Variants in VPS13D observed in about 807,000 individuals in gnomAD.
VPS13D encodes the protein intermembrane lipid transfer protein VPS13D.
VPS13D carries 187 observed loss-of-function variants against 461.9 expected under a neutral mutation model. The observed-to-expected ratio is 0.40, with a 90% CI of 0.36 to 0.46. The LOEUF (loss-of-function observed/expected upper bound fraction) is 0.46, where lower values mean the gene tolerates loss of function less well. Among genes scored for constraint, VPS13D ranks in the 20% least tolerant of loss-of-function variants. VPS13D has a pLI of 0.60. For missense variants in VPS13D, 4,711 were observed against 5,364.9 expected (o/e 0.88, Z 3.81); for synonymous variants, 1,951 against 1,986.3 (o/e 0.98, Z 0.47).
At position 12,309,131 on chromosome 1, in the gene VPS13D, T is replaced by A. The variant is rs561291870; in HGVS notation, c.6650+490T>A. Among the ~76,000 whole-genome samples, 251 of 152,276 alleles carry A rather than the reference T, an allele frequency of 1.6e-3. 1 individual carries two copies. Among genetic ancestry groups the A allele is most frequent in the African/African-American group, 5.6e-3 (233 of 41,546 alleles). ...TGATGAAAGAGAAAACTAATTCCTT[T>A]GAAGGAACTTATGTTTTGTTGAGGG... On this transcript the variant is annotated intron_variant, in intron 27 of 69. Coordinates refer to ENST00000620676, the MANE Select transcript of VPS13D (RefSeq NM_015378.4).
chr1:12,406,001 A>C lies in VPS13D; in HGVS notation c.12030+2028A>C, dbSNP rs149570852. On this transcript the variant is annotated intron_variant, in intron 63 of 69. Transcript: ENST00000620676. Reference sequence around the variant, plus strand: ...ATGGTTGTGTGTGCGCTCGGCATACAATCAACGAAATCATTTCAGTTGAAT... The same window carrying C: ...ATGGTTGTGTGTGCGCTCGGCATACCATCAACGAAATCATTTCAGTTGAAT... Among the ~76,000 whole-genome samples, 146 of 152,306 alleles carry C rather than the reference A, an allele frequency of 9.6e-4. 1 individual carries two copies. The highest frequency in any genetic ancestry group is 3.1e-3 in the African/African-American group (128 of 41,570).
Position 12,319,480 on chromosome 1 carries a change from G to T in VPS13D, c.7415-17G>T. 6.2e-7 allele frequency: 1 copy of T among 1,613,672 alleles called. No homozygotes were observed. Among genetic ancestry groups the T allele is most frequent in the South Asian group, 1.1e-5 (1 of 91,030 alleles). On this transcript the variant is annotated splice_polypyrimidine_tract_variant and intron_variant, in intron 31 of 69. Coordinates refer to ENST00000620676, the MANE Select transcript of VPS13D (RefSeq NM_015378.4). ...GCTTCCCAGCTCTGGCTTGATTGAC[G>T]ACGTTGTCCTTTCCAGGTACGGAGT...
At chr1:12,253,505 C>T (rs527812363) in intron 6 of VPS13D, among the ~76,000 whole-genome samples, 5 of 152,246 alleles carry the variant, frequency 3.3e-5, no homozygotes, top group South Asian at 2.1e-4. Context: ...CTTCTGCTTC[C>T]CTCTGTGTCA....
At position 12,299,492 on chromosome 1, in the gene VPS13D, G is replaced by A. The variant is rs944741821; in HGVS notation, c.6216+108G>A. The A allele has an allele frequency of 4.3e-5, 56 of 1,315,784 alleles. No homozygotes were observed. Among genetic ancestry groups the A allele is most frequent in the South Asian group, 2.3e-4 (14 of 59,990 alleles). 81.5% of individuals were successfully genotyped at this position (1,315,784 alleles called of 1,614,324 possible). Reference sequence around the variant, plus strand: ...ATCCATAATTGCTATTACTTTTGTAGGGTATGTGGCTTGAAGAATTTTTTT... The same window carrying A: ...ATCCATAATTGCTATTACTTTTGTAAGGTATGTGGCTTGAAGAATTTTTTT... On this transcript the variant is annotated intron_variant, in intron 25 of 69. Transcript: ENST00000620676. The surrounding 1 kb of genome is among the most constrained non-coding windows in gnomAD (Gnocchi z 4.2).
Position 12,416,958 on chromosome 1 carries a change from G to T in VPS13D, c.12333+131G>T, listed in dbSNP as rs1478428453. 3.9e-6 allele frequency: 4 copies of T among 1,032,542 alleles called. No individual in the cohort carries two copies. In the Admixed American group the frequency reaches 1.3e-4, roughly 33 times the overall value. 64.0% of individuals were successfully genotyped at this position (1,032,542 alleles called of 1,614,324 possible). ...TTTTGCTTCATTGCCCACATGCCTT[G>T]CCTTTTCCTCACCTCCAGTCACCTG... On this transcript the variant is annotated intron_variant, in intron 65 of 69. Coordinates refer to ENST00000620676, the MANE Select transcript of VPS13D (RefSeq NM_015378.4).
intron 65 of VPS13D, among the ~76,000 whole-genome samples, chr1:12,444,444 G>A (rs997820265): frequency 7.2e-5 from 11 of 152,078 alleles, no homozygotes; most frequent in Non-Finnish European, 1.3e-4. Context: ...CTTGGCCAGC[G>A]TCACTTTAAA....
chr1:12,356,358 C>G, intron 48 of VPS13D, 40 bp from the exon 49 acceptor site: 1 of 1,588,828 alleles, frequency 6.3e-7, no homozygotes, highest in Non-Finnish European at 8.6e-7. Flanking sequence ...TTCAGATAGA[C>G]TGGGTGGTAT....
In VPS13D at chr1:12,473,934, A is replaced by C. The variant is rs1418196128; in HGVS notation, c.12662+13538A>C. Reference sequence around the variant, plus strand: ...TTTGTGTGTGGGAACCGCACTGGAAAAGGTGTGCAGAGGCCACGAACTTGC... The same window carrying C: ...TTTGTGTGTGGGAACCGCACTGGAACAGGTGTGCAGAGGCCACGAACTTGC... On this transcript the variant is annotated intron_variant, in intron 67 of 69. Transcript: ENST00000620676. This position sits in a 1 kb window ranked among gnomAD's most constrained non-coding sequence, Gnocchi z 4.2. 6.6e-6 allele frequency among the ~76,000 whole-genome samples: 1 copy of C among 152,182 alleles called. No individual in the cohort carries two copies. The highest frequency in any genetic ancestry group is 1.5e-5 in the Non-Finnish European group (1 of 68,024).
At chr1:12,254,827 C>G (rs1003686700) in intron 7 of VPS13D, among the ~76,000 whole-genome samples, 1 of 151,622 alleles carries the variant, frequency 6.6e-6, no homozygotes, top group Non-Finnish European at 1.5e-5. Flanking sequence ...CACACCCGGC[C>G]AGTTTAATCC....
In VPS13D at chr1:12,267,871, A is replaced by G. The variant is rs188384651; in HGVS notation, c.1752A>G (p.Gln584=). The G allele has an allele frequency of 3.4e-5, 55 of 1,614,156 alleles. No homozygotes were observed. In the East Asian group the frequency reaches 7.4e-4, roughly 22 times the overall value. Residue 584 remains glutamine, a synonymous_variant, in exon 15 of 70, where the codon CAA becomes CAG. Coordinates refer to ENST00000620676, the MANE Select transcript of VPS13D (RefSeq NM_015378.4). ...AAAAAGAAGTTGGCAGAGTCTCACA[A>G]TCTTTTGGTCTACAAACTACATCTG... ...NPQKEVGRVS[Q]SFGLQTTSAD...
intron 67 of VPS13D, among the ~76,000 whole-genome samples, chr1:12,492,418 G>T (rs920892260): frequency 6.6e-6 from 1 of 152,208 alleles, no homozygotes; most frequent in African/African-American, 2.4e-5. Flanking sequence ...TTAAAATTCA[G>T]TCCTTTAGTT....
Position 12,379,479 on chromosome 1 carries a change from G to A in VPS13D, c.11082-9G>A, listed in dbSNP as rs200732807. ...GGTTTCATGGTTCATTGTGTATTCC[G>A]TTTTCCAGATACGAGCCACTGATGC... On this transcript the variant is annotated splice_polypyrimidine_tract_variant and intron_variant, in intron 56 of 69. Transcript: ENST00000620676. 56 of 1,610,888 alleles carry A rather than the reference G, an allele frequency of 3.5e-5. No individual in the cohort carries two copies. In the Admixed American group the frequency reaches 4.5e-4, roughly 13 times the overall value.
rs772524965 is a variant in VPS13D, at chr1:12,329,829, G to A, written c.8198G>A (p.Arg2733His). The A allele has an allele frequency of 1.6e-5, 26 of 1,613,994 alleles. No individual in the cohort carries two copies. The highest frequency in any genetic ancestry group is 2.2e-5 in the Non-Finnish European group (26 of 1,179,944). ...GCAGTAAGGTTTGCTTTCATTGCAG[G>A]TCTGAATTTTCTTCAGCGTGTAAGA... ...DVPLAELTFSRLNFLQRVRTS... is the reference protein window; with the variant it reads ...DVPLAELTFSHLNFLQRVRTS... Residue 2733 changes from arginine (R) to histidine (H), a missense_variant and splice_region_variant, in exon 37 of 70, where the codon CGT becomes CAT. By Grantham distance (29) the Arg-to-His change is conservative. This residue lies in a region of VPS13D where 4,411 missense variants were observed against 4,937.8 expected (regional missense o/e 0.89). Coordinates refer to ENST00000620676, the MANE Select transcript of VPS13D (RefSeq NM_015378.4).
At position 12,324,610 on chromosome 1, in the gene VPS13D, T is replaced by C. The variant is rs930946433; in HGVS notation, c.7990+830T>C. Among the ~76,000 whole-genome samples, 7 of 152,328 alleles carry C rather than the reference T, an allele frequency of 4.6e-5. No individual in the cohort carries two copies. The South Asian group carries it at 1.5e-3, about 32-fold the overall frequency. On this transcript the variant is annotated intron_variant, in intron 35 of 69. Transcript: ENST00000620676. The stretch of plus-strand genomic sequence containing the variant: ...GGCTTTAACCTCTGTGAACCAGTGC[T>C]TCCTTATCTGTAGAAAGAAGATAAG...
At chr1:12,235,645 G>A (rs950012380) in intron 2 of VPS13D, among the ~76,000 whole-genome samples, 16 of 152,168 alleles carry the variant, frequency 1.1e-4, no homozygotes, top group Non-Finnish European at 2.2e-4. Context: ...GGCAGCGCTA[G>A]GCCATGGGCA....
Position 12,275,522 on chromosome 1 carries a change from C to T in VPS13D, c.2237-303C>T, listed in dbSNP as rs559835134. 1.4e-4 allele frequency among the ~76,000 whole-genome samples: 22 copies of T among 152,244 alleles called. No homozygotes were observed. The East Asian group carries it at 2.3e-3, about 16-fold the overall frequency. On this transcript the variant is annotated intron_variant, in intron 18 of 69. Transcript: ENST00000620676. Reference sequence around the variant, plus strand: ...AGAAAGGGTTGGTGAAAGCAGCTCACGCCCATGGCAAGGCAGGGGAGAAGT... The same window carrying T: ...AGAAAGGGTTGGTGAAAGCAGCTCATGCCCATGGCAAGGCAGGGGAGAAGT...
At chr1:12,486,812 A>G (rs1289700358) in intron 67 of VPS13D, among the ~76,000 whole-genome samples, 2 of 151,902 alleles carry the variant, frequency 1.3e-5, no homozygotes, top group African/African-American at 4.8e-5. Flanking sequence ...CCCTGCACCC[A>G]GTCCTCAGTC....
At chr1:12,372,669 G>A (rs1411258483) in intron 54 of VPS13D, among the ~76,000 whole-genome samples, 2 of 151,686 alleles carry the variant, frequency 1.3e-5, no homozygotes, top group African/African-American at 4.8e-5. Flanking sequence ...TTTACTTTTA[G>A]ATTGTGTCCT....
At chr1:12,290,923 TTTTGTTC>T in intron 22 of VPS13D, 68 bp from the exon 23 acceptor site, 1 of 1,433,408 alleles carries the variant, frequency 7.0e-7, no homozygotes, top group Non-Finnish European at 9.3e-7. Context: ...GTATACCAGC[TTTTGTTC>T]CAGACATATT....
Sources: allele counts gnomAD v4.1 joint callset (sites outside exome capture counted in the v4.1 genomes callset), GRCh38; gene constraint gnomAD v4.1.1; regional missense constraint gnomAD v4.1.1; non-coding constraint Gnocchi (gnomAD v3.1); transcripts MANE v1.5; gene names NCBI Gene and HGNC (gene_info 2026-07-23, HGNC 2026-07-21).